The following DIAPH3 variants were observed in gnomAD, a reference collection of about 807,000 sequenced individuals.
DIAPH3 encodes diaphanous related formin 3.
DIAPH3 carries 117 observed loss-of-function variants against 144.3 expected under a neutral mutation model. The observed-to-expected ratio is 0.81, with a 90% CI of 0.70 to 0.95. The LOEUF (loss-of-function observed/expected upper bound fraction) is 0.95. Ranked by LOEUF, DIAPH3 falls within the 40% of genes least tolerant of loss-of-function variation. The probability of loss-of-function intolerance (pLI) is 0.00; values close to 1 mark genes in which losing one functional copy is unlikely to be tolerated. For missense variants in DIAPH3, 1,421 were observed against 1,412.7 expected (o/e 1.01, Z -0.09); for synonymous variants, 519 against 488.9 (o/e 1.06, Z -0.81).
intron 27 of DIAPH3, among the ~76,000 whole-genome samples, chr13:59,714,290 G>C: frequency 6.7e-6 from 1 of 149,704 alleles, no homozygotes; most frequent in Non-Finnish European, 1.5e-5. Flanking sequence ...AACCCGGGAG[G>C]CGGAGCTTGC....
At chr13:59,935,617 C>T (rs1437791850) in intron 17 of DIAPH3, among the ~76,000 whole-genome samples, 1 of 152,208 alleles carries the variant, frequency 6.6e-6, no homozygotes, top group Non-Finnish European at 1.5e-5. Flanking sequence ...GGGAAAATAT[C>T]GAAGTAAATG....
chr13:59,697,303 C>T (rs1475089682), intron 27 of DIAPH3, among the ~76,000 whole-genome samples: 1 of 150,530 alleles, frequency 6.6e-6, no homozygotes, highest in African/African-American at 2.4e-5. Flanking sequence ...ACTAAAAATA[C>T]AAAAAAATTA....
Position 59,949,178 on chromosome 13 carries a change from C to T in DIAPH3, c.2074+20766G>A, listed in dbSNP as rs541219643. The stretch of plus-strand genomic sequence containing the variant: ...ATAGGCCCCTTCTGATTGGCTGCTG[C>T]GAATCTCCTATTTTTCAGAAAACTG... On this transcript the variant is annotated intron_variant, in intron 17 of 27. Coordinates refer to ENST00000400324, the MANE Select transcript of DIAPH3 (RefSeq NM_001042517.2). 5.3e-5 allele frequency among the ~76,000 whole-genome samples: 8 copies of T among 152,180 alleles called. No individual in the cohort carries two copies. The South Asian group carries it at 1.2e-3, about 24-fold the overall frequency.
chr13:59,806,444 T>C (rs1378501527), intron 25 of DIAPH3, among the ~76,000 whole-genome samples: 1 of 152,042 alleles, frequency 6.6e-6, no homozygotes, highest in Non-Finnish European at 1.5e-5. Context: ...ACTAATTATA[T>C]AAATCTTACC....
At chr13:59,723,924 G>A (rs1012317452) in intron 27 of DIAPH3, among the ~76,000 whole-genome samples, 1 of 142,752 alleles carries the variant, frequency 7.0e-6, no homozygotes, top group African/African-American at 2.6e-5. Flanking sequence ...GAAAATGATA[G>A]TCTATCTATC....
At chr13:59,738,422 C>T (rs915386223) in intron 27 of DIAPH3, among the ~76,000 whole-genome samples, 14 of 152,048 alleles carry the variant, frequency 9.2e-5, no homozygotes, top group Non-Finnish European at 1.8e-4. Flanking sequence ...ACAGCGAGCT[C>T]TGTGGACTGG....
intron 18 of DIAPH3, among the ~76,000 whole-genome samples, chr13:59,921,668 T>C (rs2047526135): frequency 6.6e-6 from 1 of 151,952 alleles, no homozygotes; most frequent in South Asian, 2.1e-4. Context: ...TAAAAACTAT[T>C]ACCAATTCTT....
chr13:60,113,921 T>C (rs1002124226), intron 2 of DIAPH3, among the ~76,000 whole-genome samples: 3 of 152,180 alleles, frequency 2.0e-5, no homozygotes, highest in African/African-American at 7.2e-5. Flanking sequence ...ACCAACTGAA[T>C]GCGGTAGTAA....
At chr13:59,997,010 T>C (rs2052237489) in intron 9 of DIAPH3, among the ~76,000 whole-genome samples, 1 of 152,082 alleles carries the variant, frequency 6.6e-6, no homozygotes, top group Non-Finnish European at 1.5e-5. Context: ...TTGTACAAAT[T>C]TATTGTACAT....
intron 22 of DIAPH3, among the ~76,000 whole-genome samples, chr13:59,851,187 T>C (rs948011194): frequency 2.0e-5 from 3 of 152,090 alleles, no homozygotes; most frequent in Admixed American, 6.6e-5. Flanking sequence ...CATGATCAAG[T>C]CAAATCTTTA....
intron 25 of DIAPH3, among the ~76,000 whole-genome samples, chr13:59,809,335 C>T (rs2040350647): frequency 6.6e-6 from 1 of 152,102 alleles, no homozygotes; most frequent in Admixed American, 6.5e-5. Flanking sequence ...AACTCGGTCT[C>T]TACTAAAAAT....
At chr13:59,894,338 G>A (rs1300045849) in intron 20 of DIAPH3, among the ~76,000 whole-genome samples, 4 of 151,964 alleles carry the variant, frequency 2.6e-5, no homozygotes, top group East Asian at 1.9e-4. Context: ...ATTAAGGCTC[G>A]TGGGCATAAA....
At chr13:59,708,597 C>T (rs923757028) in intron 27 of DIAPH3, among the ~76,000 whole-genome samples, 1 of 152,158 alleles carries the variant, frequency 6.6e-6, no homozygotes, top group African/African-American at 2.4e-5. Flanking sequence ...TTTTCCATCT[C>T]AGTGTTTTGT....
chr13:59,754,088 TCA>T (rs567002597), intron 27 of DIAPH3, among the ~76,000 whole-genome samples: 174 of 152,254 alleles, frequency 1.1e-3, no homozygotes, highest in African/African-American at 4.1e-3. Flanking sequence ...ATCTAATCTG[TCA>T]CAAAACAGCC....
At chr13:59,976,695 T>C (rs186358787) in intron 14 of DIAPH3, among the ~76,000 whole-genome samples, 188 of 151,814 alleles carry the variant, frequency 1.2e-3, no homozygotes, top group Non-Finnish European at 2.3e-3. Context: ...TATAGGACTC[T>C]TTCCTCACCC....
intron 1 of DIAPH3, among the ~76,000 whole-genome samples, chr13:60,134,283 G>A (rs2138247361): frequency 6.6e-6 from 1 of 152,330 alleles, no homozygotes; most frequent in Non-Finnish European, 1.5e-5. Flanking sequence ...AGTAATAATA[G>A]TGGATTAACT....
At chr13:59,747,744 T>G (rs1566254713) in intron 27 of DIAPH3, among the ~76,000 whole-genome samples, 1 of 152,206 alleles carries the variant, frequency 6.6e-6, no homozygotes, top group Non-Finnish European at 1.5e-5. Flanking sequence ...TTGAATGACA[T>G]CTATGACTGC....
chr13:59,898,134 CAAAAAAAAAAA>C (rs34238599), intron 20 of DIAPH3, among the ~76,000 whole-genome samples: 1 of 72,196 alleles, frequency 1.4e-5, no homozygotes, highest in African/African-American at 5.9e-5. Flanking sequence ...GACTCTGCCT[CAAAAAAAAAAA>C]AAAAAAAAAA....
At chr13:59,996,602 C>G (rs1014179287) in intron 9 of DIAPH3, among the ~76,000 whole-genome samples, 2 of 151,838 alleles carry the variant, frequency 1.3e-5, no homozygotes, top group African/African-American at 4.8e-5. Context: ...GACTGGAAAG[C>G]GAGCGGCCAA....
Sources: allele counts gnomAD v4.1 joint callset (sites outside exome capture counted in the v4.1 genomes callset), GRCh38; gene constraint gnomAD v4.1.1; transcripts MANE v1.5; gene names NCBI Gene and HGNC (gene_info 2026-07-23, HGNC 2026-07-21).